ASIP: variants seen among roughly 807,000 people sequenced by gnomAD.
The protein encoded by ASIP is agouti signaling protein.
In ASIP, 11 loss-of-function variants were observed where a neutral mutation model predicts 10.3. The ratio of observed to expected loss-of-function variants is 1.07; its 90% CI spans 0.68 to 1.78. The LOEUF is 1.78. Ranked by LOEUF, ASIP falls within the 40% of genes most tolerant of loss-of-function variation. ASIP has a pLI of 0.00. For synonymous variants in ASIP, 70 were observed against 70.8 expected, an observed-to-expected ratio of 0.99 and a Z score of 0.06; for missense variants, 180 against 169.2, an observed-to-expected ratio of 1.06 and a Z score of -0.35.
At chr20:34,206,834 C>T (rs1237484828) in intron 1 of ASIP, among the ~76,000 whole-genome samples, 1 of 152,224 alleles carries the variant, frequency 6.6e-6, no homozygotes, top group South Asian at 2.1e-4. Context: ...CCTGCCTCGA[C>T]CTCACAAAGT....
upstream of ASIP, among the ~76,000 whole-genome samples, chr20:34,240,723 A>T (rs1018432759): frequency 6.6e-6 from 1 of 152,178 alleles, no homozygotes; most frequent in African/African-American, 2.4e-5. Flanking sequence ...AGGTTAACTC[A>T]ATTAGACTGT....
At chr20:34,246,525 C>T (rs1025978432) in intron 1 of ASIP, 68 of 1,132,170 alleles carry the variant, frequency 6.0e-5, no homozygotes, top group Middle Eastern at 2.8e-4. Context: ...CCACTGGATT[C>T]AGAAATCTCA....
chr20:34,190,243 C>A (rs1326101220), upstream of ASIP, among the ~76,000 whole-genome samples: 2 of 152,166 alleles, frequency 1.3e-5, no homozygotes, highest in East Asian at 3.9e-4. Context: ...GGCATCATCC[C>A]AGTCACACCT....
chr20:34,199,561 C>T (rs890914794), intron 1 of ASIP, among the ~76,000 whole-genome samples: 5 of 152,144 alleles, frequency 3.3e-5, no homozygotes, highest in Admixed American at 2.0e-4. Flanking sequence ...TCCTTGAAGA[C>T]TAATGACGTT....
intron 1 of ASIP, 117 bp downstream of exon 1, chr20:34,241,606 G>T (rs1014140946): frequency 1.1e-6 from 1 of 928,494 alleles, no homozygotes; most frequent in Admixed American, 6.2e-5. Flanking sequence ...AGATTTTTTT[G>T]ATTCACTTTT....
At chr20:34,264,789 A>ATTTTTT (rs34382186) in intron 3 of ASIP, among the ~76,000 whole-genome samples, 7 of 104,212 alleles carry the variant, frequency 6.7e-5, no homozygotes, top group South Asian at 3.1e-4. Flanking sequence ...AGTTTACTTC[A>ATTTTTT]TTTTTTTTTT....
chr20:34,266,826 G>A (rs749326387), intron 3 of ASIP, among the ~76,000 whole-genome samples: 4 of 152,080 alleles, frequency 2.6e-5, no homozygotes, highest in Non-Finnish European at 4.4e-5. Context: ...TAACATTCAC[G>A]TACCACCTAA....
chr20:34,237,102 A>G (rs1431667151), upstream of ASIP, among the ~76,000 whole-genome samples: 1 of 152,026 alleles, frequency 6.6e-6, no homozygotes, highest in African/African-American at 2.4e-5. Flanking sequence ...ATTTGTCTTT[A>G]TGCAAGTACC....
chr20:34,255,297 A>C (rs2035548371), intron 1 of ASIP, among the ~76,000 whole-genome samples: 1 of 151,920 alleles, frequency 6.6e-6, no homozygotes, highest in African/African-American at 2.4e-5. Context: ...GGTCTAACTT[A>C]ATCTTCCCCA....
At chr20:34,225,585 T>C (rs1791202666) in intron 1 of ASIP, among the ~76,000 whole-genome samples, 1 of 152,148 alleles carries the variant, frequency 6.6e-6, no homozygotes, top group South Asian at 2.1e-4. Flanking sequence ...CATTGGTATT[T>C]AGGTGGAAAT....
At chr20:34,267,016 T>A (rs886566585) in intron 3 of ASIP, among the ~76,000 whole-genome samples, 1 of 152,192 alleles carries the variant, frequency 6.6e-6, no homozygotes, top group Non-Finnish European at 1.5e-5. Context: ...ATCTTGAAAG[T>A]CCCTGCTCTT....
chr20:34,261,592 C>T (rs2035692614), intron 2 of ASIP, among the ~76,000 whole-genome samples: 1 of 152,056 alleles, frequency 6.6e-6, no homozygotes, highest in Non-Finnish European at 1.5e-5. Context: ...CATGATTGTG[C>T]CACTGCACTC....
In ASIP at chr20:34,260,380, T is replaced by C. The variant is rs748969908; in HGVS notation, c.6T>C (p.Asp2=). 3.1e-6 allele frequency: 5 copies of C among 1,613,210 alleles called. No individual in the cohort carries two copies. In the Admixed American group the frequency reaches 8.3e-5, roughly 27 times the overall value. The part of the protein sequence containing the change: M[D]VTRLLLATLL... ...TCCCACTCAGGCCTCCTGGGATGGA[T>C]GTCACCCGCTTACTCCTGGCCACCC... is the stretch of plus-strand genomic sequence containing the variant. Residue 2 remains aspartate (D), a synonymous_variant, in exon 2 of 4, where the codon GAT becomes GAC. Transcript: ENST00000374954.
At chr20:34,209,806 T>A (rs1008651118) in intron 1 of ASIP, among the ~76,000 whole-genome samples, 3 of 152,136 alleles carry the variant, frequency 2.0e-5, no homozygotes, top group African/African-American at 7.2e-5. Context: ...CTGGGTGCGA[T>A]GGACAGCAGT....
At chr20:34,215,200 A>G in intron 1 of ASIP, 2 of 1,600,540 alleles carry the variant, frequency 1.2e-6, no homozygotes, top group Non-Finnish European at 1.7e-6. Context: ...CATATGACCT[A>G]GCAGCATATT....
At chr20:34,215,743 A>G in intron 1 of ASIP, 1 of 1,472,786 alleles carries the variant, frequency 6.8e-7, no homozygotes, top group Admixed American at 1.7e-5. Flanking sequence ...ACTTTACATG[A>G]TCATCACTAT....
At chr20:34,202,228 T>C (rs112742392) in intron 1 of ASIP, among the ~76,000 whole-genome samples, 3 of 152,352 alleles carry the variant, frequency 2.0e-5, no homozygotes, top group South Asian at 2.1e-4. Flanking sequence ...ATTCGATACC[T>C]GCATTGTCCA....
At chr20:34,251,995 C>A (rs1306571947) in intron 1 of ASIP, among the ~76,000 whole-genome samples, 1 of 152,194 alleles carries the variant, frequency 6.6e-6, no homozygotes. Flanking sequence ...CAGACTAAGA[C>A]AGGATTCATA....
At chr20:34,207,458 A>G (rs563576638) in intron 1 of ASIP, among the ~76,000 whole-genome samples, 48 of 152,272 alleles carry the variant, frequency 3.2e-4, no homozygotes, top group Non-Finnish European at 5.0e-4. Flanking sequence ...GTGTGTATTA[A>G]TATTTTCCCA....
Sources: gnomAD v4.1 joint callset for allele counts (sites outside exome capture counted in the v4.1 genomes callset) on GRCh38, gnomAD v4.1.1 for gene constraint, MANE v1.5 for transcripts, NCBI Gene and HGNC (gene_info 2026-07-23, HGNC 2026-07-21) for gene names.